Variants in SIAH3 observed in about 807,000 individuals in gnomAD.
SIAH3 encodes siah E3 ubiquitin protein ligase family member 3.
Under a neutral mutation model 12.6 loss-of-function variants are expected in SIAH3, and 9 were observed. That is an observed-to-expected ratio of 0.72 (90% CI 0.43 to 1.25). The LOEUF (loss-of-function observed/expected upper bound fraction) is 1.25, where lower values mean the gene tolerates loss of function less well. Among genes scored for constraint, SIAH3 ranks in the 50% most tolerant of loss-of-function variants. The pLI, the probability that SIAH3 is intolerant of heterozygous loss-of-function variation, is 0.00. For synonymous variants in SIAH3, 154 were observed against 151.1 expected, an observed-to-expected ratio of 1.02 and a Z score of -0.14; for missense variants, 390 against 365.4, an observed-to-expected ratio of 1.07 and a Z score of -0.55.
chr13:45,817,389 G>A (rs930425760), intron 1 of SIAH3, among the ~76,000 whole-genome samples: 1 of 152,194 alleles, frequency 6.6e-6, no homozygotes, highest in East Asian at 1.9e-4. Flanking sequence ...TGCAATCTGT[G>A]ATATTCACAA....
intron 1 of SIAH3, among the ~76,000 whole-genome samples, chr13:45,823,267 C>T (rs1008358003): frequency 1.3e-5 from 2 of 152,144 alleles, no homozygotes; most frequent in Non-Finnish European, 1.5e-5. Context: ...CTGACTTAAT[C>T]GGTCTGGGGT....
At chr13:45,793,363 A>G (rs145381964) in intron 1 of SIAH3, among the ~76,000 whole-genome samples, 40 of 152,122 alleles carry the variant, frequency 2.6e-4, no homozygotes, top group Non-Finnish European at 5.1e-4. Flanking sequence ...ATGACCAGGA[A>G]CTCCACAGTA....
At chr13:45,796,858 C>T (rs1156413689) in intron 1 of SIAH3, among the ~76,000 whole-genome samples, 2 of 152,158 alleles carry the variant, frequency 1.3e-5, no homozygotes, top group Non-Finnish European at 2.9e-5. Flanking sequence ...TCCCCTTAAG[C>T]GAGGTGGGGG....
At chr13:45,785,013 G>A (rs905084888) in intron 1 of SIAH3, among the ~76,000 whole-genome samples, 1 of 152,206 alleles carries the variant, frequency 6.6e-6, no homozygotes, top group African/African-American at 2.4e-5. Context: ...GTGTCATGAA[G>A]ACTGTGATTC....
rs1180530806 is a variant in SIAH3, at chr13:45,777,642, T to G, written c.*5741A>C. 6.6e-6 allele frequency: 1 copy of G among 152,200 alleles called. No individual in the cohort carries two copies. The highest frequency in any genetic ancestry group is 6.5e-5 in the Admixed American group (1 of 15,290). The allele number at this position is 152,200 out of a possible 1,614,324, so 9.4% of individuals were successfully genotyped here. A position where few individuals can be genotyped will look rare whatever the true frequency, so the allele number is the denominator to read the frequency against. On this transcript the variant is annotated 3_prime_UTR_variant, in exon 2 of 2. Coordinates refer to ENST00000400405, the MANE Select transcript of SIAH3 (RefSeq NM_198849.3). ...CTGGCTATTTTCCAGGTGAACACAA[T>G]GGGGAACTCACCAATTCCTGAAGAA...
At chr13:45,801,982 A>C (rs1950583901) in intron 1 of SIAH3, among the ~76,000 whole-genome samples, 1 of 152,220 alleles carries the variant, frequency 6.6e-6, no homozygotes, top group Non-Finnish European at 1.5e-5. Context: ...TATTACACAG[A>C]AGAATCAACT....
chr13:45,786,338 T>C lies in SIAH3; in HGVS notation c.136-2281A>G, dbSNP rs540282869. On this transcript the variant is annotated intron_variant, in intron 1 of 1. Coordinates refer to ENST00000400405, the MANE Select transcript of SIAH3 (RefSeq NM_198849.3). ...GAGAAGGCCCCTCTCTACCAGTCTT[T>C]ACAACAATCAGGAGAGAAACATTTT... Among the ~76,000 whole-genome samples the C allele has an allele frequency of 5.9e-5, 9 of 152,318 alleles. No individual in the cohort carries two copies. In the South Asian group the frequency reaches 1.9e-3, roughly 32 times the overall value.
At chr13:45,805,005 C>A (rs1035692477) in intron 1 of SIAH3, among the ~76,000 whole-genome samples, 4 of 137,940 alleles carry the variant, frequency 2.9e-5, no homozygotes, top group African/African-American at 1.2e-4. Context: ...CACACACACA[C>A]ACACAAAATA....
At position 45,779,640 on chromosome 13, in the gene SIAH3, C is replaced by G. The variant is rs539826376; in HGVS notation, c.*3743G>C. On this transcript the variant is annotated 3_prime_UTR_variant, in exon 2 of 2. Coordinates refer to ENST00000400405, the MANE Select transcript of SIAH3 (RefSeq NM_198849.3). Reference sequence around the variant, plus strand: ...AATTCTCTTAGCTTACGTTTCCCACCCGTAACATGAATACAATAAAGAGCA... The same window carrying G: ...AATTCTCTTAGCTTACGTTTCCCACGCGTAACATGAATACAATAAAGAGCA... 9 of 152,264 alleles carry G rather than the reference C, an allele frequency of 5.9e-5. No individual in the cohort carries two copies. The South Asian group carries it at 1.0e-3, about 18-fold the overall frequency. The allele number at this position is 152,264 out of a possible 1,614,324, so 9.4% of individuals were successfully genotyped here.
In SIAH3 at chr13:45,784,345, C is replaced by T. The variant is rs546341913; in HGVS notation, c.136-288G>A. Among the ~76,000 whole-genome samples, 8 of 147,610 alleles carry T rather than the reference C, an allele frequency of 5.4e-5. No individual in the cohort carries two copies. The East Asian group carries it at 5.9e-4, about 11-fold the overall frequency. On this transcript the variant is annotated intron_variant, in intron 1 of 1. Coordinates refer to ENST00000400405, the MANE Select transcript of SIAH3 (RefSeq NM_198849.3). ...TACACAAGCAAATAGGCAATTTCCT[C>T]GTCAAGTAACATGCAGTAGGATGGT...
chr13:45,782,425 T>G lies in SIAH3; in HGVS notation c.*958A>C, dbSNP rs1593372999. On this transcript the variant is annotated 3_prime_UTR_variant, in exon 2 of 2. Transcript: ENST00000400405. ...TTTGATGATGAGTCCTGGTTCTGCT[T>G]TTTGCATGATATGAAAGAACTGCAC... is the stretch of plus-strand genomic sequence containing the variant. 6.6e-6 allele frequency: 1 copy of G among 152,264 alleles called. No individual in the cohort carries two copies. Among genetic ancestry groups the G allele is most frequent in the East Asian group, 1.9e-4 (1 of 5,178 alleles). The allele number at this position is 152,264 out of a possible 1,614,324, so 9.4% of individuals were successfully genotyped here.
intron 1 of SIAH3, among the ~76,000 whole-genome samples, chr13:45,819,669 C>T (rs910878487): frequency 2.0e-5 from 3 of 152,164 alleles, no homozygotes; most frequent in African/African-American, 7.2e-5. Context: ...AAAACGGGCC[C>T]TGCATGTCGG....
chr13:45,835,638 A>C (rs992721906), intron 1 of SIAH3, among the ~76,000 whole-genome samples: 1 of 152,232 alleles, frequency 6.6e-6, no homozygotes, highest in Admixed American at 6.5e-5. Flanking sequence ...CTGTAGAGGC[A>C]GTAGCTGAAC....
intron 1 of SIAH3, among the ~76,000 whole-genome samples, chr13:45,819,132 G>C (rs1052797910): frequency 2.6e-5 from 4 of 152,162 alleles, no homozygotes; most frequent in Admixed American, 1.3e-4. Context: ...GACCATGCAC[G>C]ACACAGAGAA....
At chr13:45,808,622 T>C (rs1950606092) in intron 1 of SIAH3, among the ~76,000 whole-genome samples, 1 of 152,206 alleles carries the variant, frequency 6.6e-6, no homozygotes, top group Non-Finnish European at 1.5e-5. Context: ...TAAAGAATAT[T>C]GTATATTTTG....
At chr13:45,790,080 A>G (rs952796612) in intron 1 of SIAH3, among the ~76,000 whole-genome samples, 2 of 152,206 alleles carry the variant, frequency 1.3e-5, no homozygotes, top group Non-Finnish European at 2.9e-5. Flanking sequence ...CTGCTAAGTC[A>G]GGACTTCTGG....
rs569386679 is a variant in SIAH3 at position 45,778,184 on chromosome 13, C to T, written c.*5199G>A. ...AATGCATCTTATGTGGTGTTTGACACCACTGCTTGCTGTGTCTCTTGAATG... is the reference window on the plus strand; with the variant it reads ...AATGCATCTTATGTGGTGTTTGACATCACTGCTTGCTGTGTCTCTTGAATG... On this transcript the variant is annotated 3_prime_UTR_variant, in exon 2 of 2. Transcript: ENST00000400405. 1 of 152,318 alleles carries T rather than the reference C, an allele frequency of 6.6e-6. No homozygotes were observed. Among genetic ancestry groups the T allele is most frequent in the Admixed American group, 6.5e-5 (1 of 15,296 alleles). The allele number at this position is 152,318 out of a possible 1,614,324, so 9.4% of individuals were successfully genotyped here. A position where few individuals can be genotyped will look rare whatever the true frequency, so the allele number is the denominator to read the frequency against.
chr13:45,809,453 C>A (rs1004618866), intron 1 of SIAH3, among the ~76,000 whole-genome samples: 1 of 152,142 alleles, frequency 6.6e-6, no homozygotes, highest in Non-Finnish European at 1.5e-5. Flanking sequence ...ATTGCCAGGG[C>A]AGAATTGTCT....
At chr13:45,800,162 G>A (rs1950576619) in intron 1 of SIAH3, among the ~76,000 whole-genome samples, 1 of 151,706 alleles carries the variant, frequency 6.6e-6, no homozygotes, top group Admixed American at 6.6e-5. Context: ...TTAACATTTT[G>A]GCGTGTACTT....
Sources: gnomAD v4.1 joint callset for allele counts (sites outside exome capture counted in the v4.1 genomes callset) on GRCh38, gnomAD v4.1.1 for gene constraint, MANE v1.5 for transcripts, NCBI Gene and HGNC (gene_info 2026-07-23, HGNC 2026-07-21) for gene names.